The following ARHGAP6 variants were observed in gnomAD, a reference collection of about 807,000 sequenced individuals.
ARHGAP6 encodes rho GTPase-activating protein 6.
ARHGAP6 carries 16 observed loss-of-function variants against 55.7 expected under a neutral mutation model. The observed-to-expected ratio is 0.29, with a 90% CI of 0.19 to 0.44. The LOEUF (loss-of-function observed/expected upper bound fraction) is 0.44, where lower values mean the gene tolerates loss of function less well. ARHGAP6 is among the 20% of genes least tolerant of loss of function. The pLI, the probability that ARHGAP6 is intolerant of heterozygous loss-of-function variation, is 1.00. For synonymous variants in ARHGAP6, 382 were observed against 360.9 expected, an observed-to-expected ratio of 1.06 and a Z score of -0.66; for missense variants, 698 against 808.9, an observed-to-expected ratio of 0.86 and a Z score of 1.66.
chrX:11,643,924 G>A (rs1400157858), intron 1 of ARHGAP6, among the ~76,000 whole-genome samples: 1 of 110,218 alleles, frequency 9.1e-6, no homozygotes, highest in Non-Finnish European at 1.9e-5. Context: ...GCATATGCAT[G>A]AGCAAACCCA....
At chrX:11,577,400 C>A (rs1274360689) in intron 1 of ARHGAP6, among the ~76,000 whole-genome samples, 1 of 112,033 alleles carries the variant, frequency 8.9e-6, no homozygotes, top group Admixed American at 9.5e-5. Context: ...CAGAGTTACC[C>A]TGAAAGAGTT....
chrX:11,230,887 C>A (rs1032763700), intron 2 of ARHGAP6, among the ~76,000 whole-genome samples: 2 of 110,321 alleles, frequency 1.8e-5, no homozygotes, highest in Non-Finnish European at 3.8e-5. Context: ...ATCCATGTAC[C>A]CCACCAGAGT....
intron 1 of ARHGAP6, among the ~76,000 whole-genome samples, chrX:11,333,595 T>C (rs947645695): frequency 3.6e-5 from 4 of 112,456 alleles, no homozygotes; most frequent in African/African-American, 1.3e-4. Context: ...CTAGGATAGT[T>C]AAAAATCTTT....
At position 11,547,490 on chromosome X, in the gene ARHGAP6, C is replaced by T. The variant is rs757310060; in HGVS notation, c.588+116751G>A. 1.8e-4 allele frequency among the ~76,000 whole-genome samples: 20 copies of T among 111,411 alleles called. No individual in the cohort carries two copies. The South Asian group carries it at 4.6e-3, about 26-fold the overall frequency. ...TCCAAACGAGGTCTGTTCTCTAGTC[C>T]CTTCTCTGGGATTCACTAATTGGCC... On this transcript the variant is annotated intron_variant, in intron 1 of 12. Transcript: ENST00000337414.
intron 10 of ARHGAP6, among the ~76,000 whole-genome samples, chrX:11,145,354 G>A (rs771701950): frequency 1.8e-5 from 2 of 112,169 alleles, no homozygotes; most frequent in African/African-American, 6.5e-5. Flanking sequence ...TTCCTCTGAG[G>A]TTTCCAGCAG....
chrX:11,609,606 C>T (rs1016457850), intron 1 of ARHGAP6, among the ~76,000 whole-genome samples: 3 of 111,896 alleles, frequency 2.7e-5, no homozygotes, highest in African/African-American at 9.8e-5. Context: ...AAGACAATGG[C>T]AGGACCTTGC....
At chrX:11,168,023 A>T (rs764440987) in intron 9 of ARHGAP6, among the ~76,000 whole-genome samples, 1 of 112,062 alleles carries the variant, frequency 8.9e-6, no homozygotes, top group South Asian at 3.8e-4. Context: ...TGGGGATCCA[A>T]CCAGGATACA....
At chrX:11,434,490 C>T (rs1365988639) in intron 1 of ARHGAP6, among the ~76,000 whole-genome samples, 1 of 110,749 alleles carries the variant, frequency 9.0e-6, no homozygotes, top group African/African-American at 3.3e-5. Context: ...CAAAACTGAC[C>T]ACTCTGGAGT....
At chrX:11,340,200 G>T (rs1323172413) in intron 1 of ARHGAP6, among the ~76,000 whole-genome samples, 1 of 111,632 alleles carries the variant, frequency 9.0e-6, no homozygotes, top group East Asian at 2.8e-4. Flanking sequence ...GCTTCTCACT[G>T]CAATGCAATG....
chrX:11,164,393 A>C (rs1167260141), intron 9 of ARHGAP6, among the ~76,000 whole-genome samples: 1 of 112,273 alleles, frequency 8.9e-6, no homozygotes, highest in African/African-American at 3.2e-5. Flanking sequence ...TGTGATATAT[A>C]GAAAAGGAAA....
chrX:11,475,697 A>G (rs1012992567), intron 1 of ARHGAP6, among the ~76,000 whole-genome samples: 8 of 109,081 alleles, frequency 7.3e-5, no homozygotes, highest in African/African-American at 2.7e-4. Context: ...ACTTTGAGGT[A>G]GGAAAACATT....
At chrX:11,455,669 C>T (rs767298052) in intron 1 of ARHGAP6, among the ~76,000 whole-genome samples, 48 of 112,143 alleles carry the variant, frequency 4.3e-4, no homozygotes, top group Admixed American at 3.7e-3. Context: ...TCTACCCCCA[C>T]TATCCGTGGC....
chrX:11,495,899 T>C, intron 1 of ARHGAP6, among the ~76,000 whole-genome samples: 1 of 112,718 alleles, frequency 8.9e-6, no homozygotes, highest in Middle Eastern at 4.6e-3. Flanking sequence ...AGCTGCCATA[T>C]TGGAGAGACC....
intron 1 of ARHGAP6, among the ~76,000 whole-genome samples, chrX:11,257,391 G>A (rs1171438488): frequency 8.9e-6 from 1 of 112,089 alleles, no homozygotes; most frequent in Non-Finnish European, 1.9e-5. Flanking sequence ...TGTGATCTCT[G>A]TTACAACTAC....
intron 1 of ARHGAP6, among the ~76,000 whole-genome samples, chrX:11,430,996 A>G (rs1156805692): frequency 1.8e-5 from 2 of 112,201 alleles, no homozygotes; most frequent in Non-Finnish European, 3.8e-5. Context: ...CTGTATATTG[A>G]CATGGCATGT....
At chrX:11,234,002 G>A (rs895126170) in intron 2 of ARHGAP6, among the ~76,000 whole-genome samples, 7 of 112,435 alleles carry the variant, frequency 6.2e-5, no homozygotes, top group Middle Eastern at 4.6e-3. Flanking sequence ...GGTCACCACC[G>A]TTTATACACA....
chrX:11,432,583 G>A (rs950591212), intron 1 of ARHGAP6, among the ~76,000 whole-genome samples: 7 of 112,526 alleles, frequency 6.2e-5, no homozygotes, highest in Non-Finnish European at 1.3e-4. Flanking sequence ...TAAACAGACT[G>A]AACACAGTTT....
chrX:11,151,178 G>A (rs2045770651), intron 10 of ARHGAP6, among the ~76,000 whole-genome samples: 1 of 110,998 alleles, frequency 9.0e-6, no homozygotes, highest in African/African-American at 3.3e-5. Context: ...ACTATTTTAA[G>A]TACCTTTGAA....
At chrX:11,171,895 G>T (rs739843) in intron 8 of ARHGAP6, among the ~76,000 whole-genome samples, 16,407 of 111,484 alleles carry the variant, frequency 0.15, 1,012 homozygotes, top group Middle Eastern at 0.26. Context: ...CATGGTCGCA[G>T]GTCCCCTGTG....
Sources: gnomAD v4.1 joint callset for allele counts (sites outside exome capture counted in the v4.1 genomes callset) on GRCh38, gnomAD v4.1.1 for gene constraint, MANE v1.5 for transcripts, NCBI Gene and HGNC (gene_info 2026-07-23, HGNC 2026-07-21) for gene names.